Variants in PTPRB observed in about 807,000 individuals in gnomAD.
PTPRB encodes the protein protein tyrosine phosphatase receptor type B, also known as receptor-type tyrosine-protein phosphatase beta.
PTPRB carries 97 observed loss-of-function variants against 238.1 expected under a neutral mutation model. The ratio of observed to expected loss-of-function variants is 0.41; its 90% CI spans 0.35 to 0.48. PTPRB has a LOEUF of 0.48. Among genes scored for constraint, PTPRB ranks in the 20% least tolerant of loss-of-function variants. The probability of loss-of-function intolerance (pLI) is 0.30; values close to 1 mark genes in which losing one functional copy is unlikely to be tolerated. For missense variants in PTPRB, 2,292 were observed against 2,681.9 expected (o/e 0.85, Z 3.21); for synonymous variants, 970 against 995.4 (o/e 0.97, Z 0.48).
At chr12:70,554,354 T>C (rs986897215) in intron 20 of PTPRB, among the ~76,000 whole-genome samples, 6 of 152,170 alleles carry the variant, frequency 3.9e-5, no homozygotes, top group African/African-American at 1.4e-4. Flanking sequence ...AAAGGTAAAC[T>C]ATATTAATGT....
At chr12:70,535,448 G>A (rs1019163768) in intron 29 of PTPRB, among the ~76,000 whole-genome samples, 3 of 151,972 alleles carry the variant, frequency 2.0e-5, no homozygotes, top group African/African-American at 4.8e-5. Flanking sequence ...AGCTAAGCTC[G>A]CCTTTACATG....
chr12:70,559,669 C>T, intron 17 of PTPRB, 45 bp from the exon 18 acceptor site: 1 of 1,512,726 alleles, frequency 6.6e-7, no homozygotes, highest in Non-Finnish European at 9.1e-7. Flanking sequence ...ACAGCTATGC[C>T]ATAACATATA....
intron 19 of PTPRB, among the ~76,000 whole-genome samples, chr12:70,555,666 GT>G (rs1565936513): frequency 6.6e-6 from 1 of 151,142 alleles, no homozygotes; most frequent in Non-Finnish European, 1.5e-5. Context: ...CATCTAACTT[GT>G]TTGCTGTCAG....
chr12:70,566,904 T>C (rs955428551), intron 14 of PTPRB, among the ~76,000 whole-genome samples, 200 bp from the exon 15 acceptor site: 5 of 152,224 alleles, frequency 3.3e-5, no homozygotes, highest in African/African-American at 7.2e-5. Flanking sequence ...TACAACTACT[T>C]TGATTCTCCA....
intron 1 of PTPRB, among the ~76,000 whole-genome samples, chr12:70,636,723 A>G (rs1403779726): frequency 6.6e-6 from 1 of 152,186 alleles, no homozygotes; most frequent in Non-Finnish European, 1.5e-5. Flanking sequence ...TTTTATGACA[A>G]TATCTACAGT....
chr12:70,532,314 A>T, intron 31 of PTPRB, 144 bp from the exon 32 acceptor site: 1 of 1,098,178 alleles, frequency 9.1e-7, no homozygotes, highest in Non-Finnish European at 1.3e-6. Context: ...AATAAGTTTA[A>T]CCTAGAGTCC....
chr12:70,540,195 A>G, intron 23 of PTPRB, 173 bp from the exon 24 acceptor site: 2 of 561,352 alleles, frequency 3.6e-6, no homozygotes. Flanking sequence ...AATAAAGTAG[A>G]TCATTCCCAC....
intron 6 of PTPRB, 115 bp downstream of exon 6, chr12:70,594,352 C>A (rs770581098): frequency 1.0e-5 from 14 of 1,359,450 alleles, no homozygotes; most frequent in Non-Finnish European, 1.3e-5. Flanking sequence ...GTCTTCTATA[C>A]CTTATAAGAA....
intron 10 of PTPRB, among the ~76,000 whole-genome samples, chr12:70,580,223 G>C (rs1437840079): frequency 1.3e-5 from 2 of 152,050 alleles, no homozygotes; most frequent in African/African-American, 4.8e-5. Context: ...GAGCTATTAA[G>C]GTCAAGAAAA....
At chr12:70,531,996 G>C (rs1009050838) in intron 32 of PTPRB, 39 bp downstream of exon 32, 2 of 1,612,836 alleles carry the variant, frequency 1.2e-6, no homozygotes, top group East Asian at 4.5e-5. Context: ...ATACAGTGGG[G>C]AGGAGGGTGG....
intron 4 of PTPRB, 78 bp downstream of exon 4, chr12:70,608,991 C>A: frequency 6.7e-7 from 1 of 1,502,194 alleles, no homozygotes; most frequent in Non-Finnish European, 9.1e-7. Context: ...CCCTGGAACT[C>A]AAATGAAACA....
rs115728712 is a variant in PTPRB at position 70,592,896 on chromosome 12, T to G, written c.1517-351A>C. 4.4e-3 allele frequency among the ~76,000 whole-genome samples: 670 copies of G among 152,288 alleles called. 5 individuals are homozygous for G. The highest frequency in any genetic ancestry group is 0.016 in the African/African-American group (645 of 41,574). On this transcript the variant is annotated intron_variant, in intron 6 of 33. Transcript: ENST00000334414. Reference sequence around the variant, plus strand: ...TCACTGAGCCTTATGGTGTTTCTTATTGGCAAATGAGGCTAGGTCAAAGAC... The same window carrying G: ...TCACTGAGCCTTATGGTGTTTCTTAGTGGCAAATGAGGCTAGGTCAAAGAC...
intron 22 of PTPRB, chr12:70,541,258 T>G (rs998020902): frequency 4.5e-6 from 1 of 219,844 alleles, no homozygotes; most frequent in East Asian, 9.5e-5. Flanking sequence ...TTGGGGCACC[T>G]GAGATAAAGG....
intron 20 of PTPRB, among the ~76,000 whole-genome samples, chr12:70,554,565 G>A (rs535207682): frequency 5.3e-5 from 8 of 152,270 alleles, no homozygotes; most frequent in African/African-American, 1.7e-4. Flanking sequence ...CTTATCTGTA[G>A]GAATTAGGTA....
At chr12:70,623,384 G>C (rs569412700) in intron 2 of PTPRB, among the ~76,000 whole-genome samples, 2 of 152,150 alleles carry the variant, frequency 1.3e-5, no homozygotes, top group Non-Finnish European at 2.9e-5. Flanking sequence ...GGTTCACTTA[G>C]CCATAATTTT....
At chr12:70,576,682 G>GGGGGGGGGGGGA (rs1565967535) in intron 10 of PTPRB, 37 bp from the exon 11 acceptor site, 1 of 116,314 alleles carries the variant, frequency 8.6e-6, no homozygotes, top group African/African-American at 6.2e-5. Flanking sequence ...GGGGGGGGGG[G>GGGGGGGGGGGGA]AAGGGGGATT....
rs868652240 is a variant in PTPRB at position 70,516,908 on chromosome 12, C to G, written c.*4581G>C. ...AATAAGTGTATCTTATATAGACAAT[C>G]TTTTAAAAAATAAAATGCCTTATTT... On this transcript the variant is annotated 3_prime_UTR_variant, in exon 34 of 34. Coordinates refer to ENST00000334414, the MANE Select transcript of PTPRB (RefSeq NM_001109754.4). The G allele has an allele frequency of 1.4e-4, 21 of 152,266 alleles. 1 individual carries two copies. The highest frequency in any genetic ancestry group is 6.8e-3 in the Middle Eastern group (2 of 294). 9.4% of individuals were successfully genotyped at this position (152,266 alleles called of 1,614,324 possible).
chr12:70,553,347 T>G (rs1381010505), intron 20 of PTPRB, among the ~76,000 whole-genome samples: 1 of 152,102 alleles, frequency 6.6e-6, no homozygotes, highest in Non-Finnish European at 1.5e-5. Flanking sequence ...CCATTGTGAG[T>G]GAACCCACTT....
At chr12:70,596,757 A>C (rs1883061751) in intron 4 of PTPRB, among the ~76,000 whole-genome samples, 1 of 152,096 alleles carries the variant, frequency 6.6e-6, no homozygotes. Context: ...TATACACTGA[A>C]CTTCTTCCTA....
Sources: gnomAD v4.1 joint callset for allele counts (sites outside exome capture counted in the v4.1 genomes callset) on GRCh38, gnomAD v4.1.1 for gene constraint, MANE v1.5 for transcripts, NCBI Gene and HGNC (gene_info 2026-07-23, HGNC 2026-07-21) for gene names.